PELI2: variants seen among roughly 807,000 people sequenced by gnomAD.
PELI2 encodes E3 ubiquitin-protein ligase pellino homolog 2.
A neutral mutation model predicts 42.3 loss-of-function variants in PELI2; 23 were observed. That is an observed-to-expected ratio of 0.54 (90% CI 0.39 to 0.77). The LOEUF (loss-of-function observed/expected upper bound fraction) is 0.77. Ranked by LOEUF, PELI2 falls within the 30% of genes least tolerant of loss-of-function variation. PELI2 has a pLI of 0.00. For synonymous variants in PELI2, 245 were observed against 212.2 expected (o/e 1.15, Z -1.34); for missense variants, 463 against 553.2 (o/e 0.84, Z 1.64).
intron 2 of PELI2, among the ~76,000 whole-genome samples, chr14:56,276,197 AG>A (rs1889285799): frequency 6.6e-6 from 1 of 152,194 alleles, no homozygotes; most frequent in African/African-American, 2.4e-5. Context: ...AATTGATCTC[AG>A]GTTTAAACTC....
At chr14:56,188,655 C>T (rs1027824512) in intron 2 of PELI2, among the ~76,000 whole-genome samples, 7 of 152,046 alleles carry the variant, frequency 4.6e-5, no homozygotes, top group African/African-American at 1.7e-4. Flanking sequence ...TATCTCTGGT[C>T]TTTTTTCCTT....
At chr14:56,176,180 A>G (rs911567112) in intron 1 of PELI2, among the ~76,000 whole-genome samples, 3 of 152,218 alleles carry the variant, frequency 2.0e-5, no homozygotes, top group Non-Finnish European at 2.9e-5. Context: ...GGAGTTAAGG[A>G]ATAGATGCCA....
At chr14:56,183,199 T>A (rs1273395508) in intron 2 of PELI2, among the ~76,000 whole-genome samples, 2 of 152,114 alleles carry the variant, frequency 1.3e-5, no homozygotes, top group Non-Finnish European at 2.9e-5. Context: ...TTTTTTTAGA[T>A]GTCATAAACA....
chr14:56,122,061 T>C (rs1230717179), intron 1 of PELI2, among the ~76,000 whole-genome samples: 2 of 152,204 alleles, frequency 1.3e-5, no homozygotes, highest in Non-Finnish European at 2.9e-5. Context: ...CAGTGATGTT[T>C]TGAAATTTAG....
At chr14:56,266,449 T>A (rs1346418905) in intron 2 of PELI2, among the ~76,000 whole-genome samples, 3 of 152,008 alleles carry the variant, frequency 2.0e-5, no homozygotes, top group African/African-American at 7.2e-5. Flanking sequence ...GGGTATAAGC[T>A]GTTCATAGTA....
chr14:56,253,913 C>A (rs242582), intron 2 of PELI2, among the ~76,000 whole-genome samples: 45,630 of 151,974 alleles, frequency 0.3, 7,215 homozygotes, highest in African/African-American at 0.4. Context: ...AAGAACAAAG[C>A]TAGAGGCATC....
chr14:56,183,348 A>G (rs1885656081), intron 2 of PELI2, among the ~76,000 whole-genome samples: 1 of 152,216 alleles, frequency 6.6e-6, no homozygotes, highest in South Asian at 2.1e-4. Context: ...TGATTATTTC[A>G]ACAAAAAATA....
intron 2 of PELI2, among the ~76,000 whole-genome samples, chr14:56,261,965 T>C (rs1888728817): frequency 6.6e-6 from 1 of 152,250 alleles, no homozygotes; most frequent in South Asian, 2.1e-4. Flanking sequence ...ACTTGTCTGC[T>C]CTGGTTATCA....
At chr14:56,171,791 G>A (rs1385154955) in intron 1 of PELI2, among the ~76,000 whole-genome samples, 2 of 115,134 alleles carry the variant, frequency 1.7e-5, no homozygotes, top group East Asian at 1.9e-4. Context: ...TGAGGTGGGC[G>A]GATCACTTGA....
At chr14:56,129,205 G>T (rs945198815) in intron 1 of PELI2, among the ~76,000 whole-genome samples, 2 of 152,192 alleles carry the variant, frequency 1.3e-5, no homozygotes, top group Non-Finnish European at 2.9e-5. Context: ...TTCTGAGTAG[G>T]TTAGTGAACT....
At chr14:56,173,769 A>G (rs1016253362) in intron 1 of PELI2, among the ~76,000 whole-genome samples, 1 of 152,118 alleles carries the variant, frequency 6.6e-6, no homozygotes, top group Non-Finnish European at 1.5e-5. Flanking sequence ...TGTACCTCCT[A>G]CAAAATCACT....
At chr14:56,247,190 C>T (rs559923561) in intron 2 of PELI2, among the ~76,000 whole-genome samples, 22 of 152,240 alleles carry the variant, frequency 1.4e-4, no homozygotes, top group African/African-American at 5.3e-4. Context: ...CATACACACA[C>T]GGAATTCTTT....
intron 2 of PELI2, among the ~76,000 whole-genome samples, chr14:56,251,168 C>T (rs1888329583): frequency 1.3e-5 from 2 of 152,168 alleles, no homozygotes; most frequent in African/African-American, 4.8e-5. Context: ...CTATTAGTAG[C>T]CAGCACTCAG....
intron 2 of PELI2, among the ~76,000 whole-genome samples, chr14:56,260,936 G>A (rs1888691530): frequency 6.6e-6 from 1 of 152,140 alleles, no homozygotes; most frequent in Admixed American, 6.5e-5. Context: ...ATGAGTGAGA[G>A]ATGTTTCACC....
chr14:56,259,809 A>G (rs1566670243), intron 2 of PELI2, among the ~76,000 whole-genome samples: 1 of 152,164 alleles, frequency 6.6e-6, no homozygotes, highest in Non-Finnish European at 1.5e-5. Context: ...ACCAATGTAC[A>G]AAAATAAGTT....
intron 1 of PELI2, among the ~76,000 whole-genome samples, chr14:56,124,904 G>C (rs2139576752): frequency 6.6e-6 from 1 of 152,344 alleles, no homozygotes; most frequent in East Asian, 1.9e-4. Context: ...AACATTGTGA[G>C]GGATGATGAT....
intron 1 of PELI2, among the ~76,000 whole-genome samples, chr14:56,123,859 T>C (rs548387011): frequency 1.1e-4 from 17 of 152,344 alleles, no homozygotes; most frequent in Admixed American, 1.1e-3. Context: ...ATTGTCACAT[T>C]GGAGCACTGG....
intron 1 of PELI2, among the ~76,000 whole-genome samples, chr14:56,144,321 G>C (rs1207768676): frequency 6.6e-6 from 1 of 152,222 alleles, no homozygotes; most frequent in African/African-American, 2.4e-5. Flanking sequence ...CTGGCTAGGT[G>C]AGTCCAAAAT....
At chr14:56,211,069 T>A (rs1279876893) in intron 2 of PELI2, among the ~76,000 whole-genome samples, 6 of 152,212 alleles carry the variant, frequency 3.9e-5, no homozygotes. Context: ...ATCCCAAAGC[T>A]GTTTTAGCCC....
Sources: gnomAD v4.1 joint callset for allele counts (sites outside exome capture counted in the v4.1 genomes callset) on GRCh38, gnomAD v4.1.1 for gene constraint, MANE v1.5 for transcripts, NCBI Gene and HGNC (gene_info 2026-07-23, HGNC 2026-07-21) for gene names.